The following PDE7B variants were observed in gnomAD, a reference collection of about 807,000 sequenced individuals.
The protein encoded by PDE7B is phosphodiesterase 7B.
PDE7B carries 29 observed loss-of-function variants against 56.2 expected under a neutral mutation model. The observed-to-expected ratio is 0.52, with a 90% CI of 0.38 to 0.70. PDE7B has a LOEUF of 0.70. PDE7B is among the 30% of genes least tolerant of loss of function. The pLI is 0.00. For synonymous variants in PDE7B, 197 were observed against 196.9 expected, an observed-to-expected ratio of 1.00 and a Z score of 0.00; for missense variants, 490 against 565.0, an observed-to-expected ratio of 0.87 and a Z score of 1.35.
chr6:136,053,939 T>C (rs1000094573), intron 2 of PDE7B, among the ~76,000 whole-genome samples: 2 of 152,270 alleles, frequency 1.3e-5, no homozygotes, highest in Non-Finnish European at 2.9e-5. Flanking sequence ...GAGTTCATTG[T>C]AGATTCTGGA....
At chr6:136,159,611 G>C (rs1180201479) in intron 8 of PDE7B, among the ~76,000 whole-genome samples, 1 of 152,122 alleles carries the variant, frequency 6.6e-6, no homozygotes, top group African/African-American at 2.4e-5. Context: ...TGTTACCAAG[G>C]AGACCATTGG....
chr6:136,079,442 G>A (rs949147587), intron 2 of PDE7B, among the ~76,000 whole-genome samples: 3 of 152,128 alleles, frequency 2.0e-5, no homozygotes, highest in Admixed American at 6.5e-5. Context: ...TTCCTGAGGT[G>A]CACTAATAAC....
At chr6:135,905,846 G>A (rs1562433592) in intron 1 of PDE7B, among the ~76,000 whole-genome samples, 1 of 152,210 alleles carries the variant, frequency 6.6e-6, no homozygotes, top group East Asian at 1.9e-4. Context: ...GCTGGAATGC[G>A]TGCCAGTCAC....
At chr6:136,190,506 G>A (rs1486759378) in intron 12 of PDE7B, among the ~76,000 whole-genome samples, 1 of 152,118 alleles carries the variant, frequency 6.6e-6, no homozygotes, top group African/African-American at 2.4e-5. Context: ...CAGGATTAGT[G>A]TTGGAAATTT....
chr6:136,024,068 C>T (rs994495979), intron 2 of PDE7B, among the ~76,000 whole-genome samples: 8 of 151,786 alleles, frequency 5.3e-5, no homozygotes, highest in African/African-American at 1.9e-4. Context: ...GAAAGGATGA[C>T]ATTTAAAAAA....
intron 8 of PDE7B, among the ~76,000 whole-genome samples, chr6:136,167,862 T>G (rs1778820165): frequency 1.3e-5 from 2 of 152,184 alleles, no homozygotes; most frequent in East Asian, 3.9e-4. Flanking sequence ...CATACCTAGC[T>G]TATAATGTAG....
intron 1 of PDE7B, among the ~76,000 whole-genome samples, chr6:135,866,196 C>A (rs1206881877): frequency 6.6e-6 from 1 of 152,076 alleles, no homozygotes; most frequent in East Asian, 1.9e-4. Flanking sequence ...TCACCTCAAT[C>A]TCTATCTAAA....
chr6:135,924,617 CTTTT>C (rs3037775), intron 1 of PDE7B, among the ~76,000 whole-genome samples: 880 of 49,590 alleles, frequency 0.018, 7 homozygotes, highest in East Asian at 0.094. Flanking sequence ...CTCTCTCTCT[CTTTT>C]TTTTTTTTTT....
chr6:135,978,049 G>A (rs756732922), intron 2 of PDE7B, among the ~76,000 whole-genome samples: 15 of 151,990 alleles, frequency 9.9e-5, no homozygotes, highest in African/African-American at 2.9e-4. Flanking sequence ...TTAACTGTGC[G>A]GATACATTCT....
chr6:136,053,002 T>C (rs2128211447), intron 2 of PDE7B, among the ~76,000 whole-genome samples: 1 of 152,288 alleles, frequency 6.6e-6, no homozygotes, highest in African/African-American at 2.4e-5. Flanking sequence ...TCTATGCTAA[T>C]AAAGACATAC....
chr6:135,878,490 A>G (rs975548595), intron 1 of PDE7B, among the ~76,000 whole-genome samples: 1 of 152,180 alleles, frequency 6.6e-6, no homozygotes, highest in East Asian at 1.9e-4. Flanking sequence ...TGTAAAATGT[A>G]TTTCTCCAAA....
intron 2 of PDE7B, among the ~76,000 whole-genome samples, chr6:135,967,389 G>A (rs1334781126): frequency 6.6e-6 from 1 of 152,206 alleles, no homozygotes; most frequent in Non-Finnish European, 1.5e-5. Flanking sequence ...GGCTTGTAAA[G>A]GGTATGGTCA....
At chr6:135,888,433 A>G (rs1197556030) in intron 1 of PDE7B, among the ~76,000 whole-genome samples, 1 of 151,792 alleles carries the variant, frequency 6.6e-6, no homozygotes, top group Non-Finnish European at 1.5e-5. Flanking sequence ...CTGAGCTCCA[A>G]TAAAGCTGAA....
chr6:135,998,101 G>A (rs1775596987), intron 2 of PDE7B, among the ~76,000 whole-genome samples: 1 of 152,112 alleles, frequency 6.6e-6, no homozygotes, highest in Admixed American at 6.5e-5. Context: ...CTGATGTAAT[G>A]TATTTGAAAT....
At chr6:135,906,811 T>TTTG (rs1554265663) in intron 1 of PDE7B, among the ~76,000 whole-genome samples, 2 of 45,196 alleles carry the variant, frequency 4.4e-5, no homozygotes, top group Non-Finnish European at 9.2e-5. Context: ...ATGAGGTTTG[T>TTTG]TTTTTTTTTT....
chr6:136,058,807 A>C (rs1444876289), intron 2 of PDE7B, among the ~76,000 whole-genome samples: 1 of 152,190 alleles, frequency 6.6e-6, no homozygotes, highest in Admixed American at 6.5e-5. Context: ...CATTTACTAG[A>C]ACTAAATGAC....
chr6:136,181,277 G>T lies in PDE7B; in HGVS notation c.999G>T (p.Met333Ile). Residue 333 changes from methionine to isoleucine, a missense_variant, in exon 11 of 13, where the codon ATG becomes ATT. Coordinates refer to ENST00000308191, the MANE Select transcript of PDE7B (RefSeq NM_018945.4). The stretch of plus-strand genomic sequence containing the variant: ...GCAATCCTTGTAGAATCTGGGAGAT[G>T]AGCAAGCAGTGGAGTGAAAGGGTCT... ...DICNPCRIWE[M>I]SKQWSERVCE... The T allele has an allele frequency of 6.2e-7, 1 of 1,613,908 alleles. No homozygotes were observed. Among genetic ancestry groups the T allele is most frequent in the Non-Finnish European group, 8.5e-7 (1 of 1,179,784 alleles).
At chr6:135,950,726 C>T (rs1365913772) in intron 2 of PDE7B, among the ~76,000 whole-genome samples, 1 of 152,146 alleles carries the variant, frequency 6.6e-6, no homozygotes, top group Non-Finnish European at 1.5e-5. Context: ...AGAAGGGTCA[C>T]TAGCCAGGGA....
chr6:136,125,226 A>G (rs1245072859), intron 3 of PDE7B, among the ~76,000 whole-genome samples: 1 of 152,146 alleles, frequency 6.6e-6, no homozygotes, highest in East Asian at 1.9e-4. Flanking sequence ...ACTAGAGAAA[A>G]TGTAATTAGC....
Sources: gnomAD v4.1 joint callset for allele counts (sites outside exome capture counted in the v4.1 genomes callset) on GRCh38, gnomAD v4.1.1 for gene constraint, MANE v1.5 for transcripts, NCBI Gene and HGNC (gene_info 2026-07-23, HGNC 2026-07-21) for gene names.